The following CTDSPL2 variants were observed in gnomAD, a reference collection of about 807,000 sequenced individuals.
CTDSPL2 encodes the protein CTD small phosphatase like 2.
CTDSPL2 carries 5 observed loss-of-function variants against 60.0 expected under a neutral mutation model. The observed-to-expected ratio is 0.08, with a 90% CI of 0.04 to 0.18. The LOEUF is 0.18. Ranked by LOEUF, CTDSPL2 falls within the 10% of genes least tolerant of loss-of-function variation. The probability of loss-of-function intolerance (pLI) is 1.00; values close to 1 mark genes in which losing one functional copy is unlikely to be tolerated. For synonymous variants in CTDSPL2, 186 were observed against 189.3 expected, an observed-to-expected ratio of 0.98 and a Z score of 0.14; for missense variants, 370 against 548.8, an observed-to-expected ratio of 0.67 and a Z score of 3.26.
At chr15:44,474,388 G>C (rs926819055) in intron 2 of CTDSPL2, among the ~76,000 whole-genome samples, 2 of 152,210 alleles carry the variant, frequency 1.3e-5, no homozygotes, top group African/African-American at 4.8e-5. Context: ...CTACTCAGGA[G>C]GCTGAGGCGG....
rs1595789165 is a variant in CTDSPL2 at position 44,525,141 on chromosome 15, A to G, written c.*967A>G. The G allele has an allele frequency of 3.0e-6, 1 of 332,738 alleles. No individual in the cohort carries two copies. Among genetic ancestry groups the G allele is most frequent in the Non-Finnish European group, 5.4e-6 (1 of 184,382 alleles). The allele number at this position is 332,738 out of a possible 1,614,324, so 20.6% of individuals were successfully genotyped here. A position where few individuals can be genotyped will look rare whatever the true frequency, so the allele number is the denominator to read the frequency against. ...TGCCTTTGGTTTTCTCCAGGAATGAAGTATTCAGCACAGTGACTCAGTATT... is the reference window on the plus strand; with the variant it reads ...TGCCTTTGGTTTTCTCCAGGAATGAGGTATTCAGCACAGTGACTCAGTATT... On this transcript the variant is annotated 3_prime_UTR_variant, in exon 13 of 13. Transcript: ENST00000260327.
chr15:44,450,440 A>C lies in CTDSPL2; in HGVS notation c.-24-8551A>C, dbSNP rs576400878. ...GAAACTGTCTTAAGGAAAGAATCAG[A>C]AATGTAGACTGAAATTTATGTGGTT... On this transcript the variant is annotated intron_variant, in intron 1 of 12. Coordinates refer to ENST00000260327, the MANE Select transcript of CTDSPL2 (RefSeq NM_016396.3). 5.3e-5 allele frequency among the ~76,000 whole-genome samples: 8 copies of C among 152,230 alleles called. No individual in the cohort carries two copies. In the East Asian group the frequency reaches 1.3e-3, roughly 26 times the overall value.
At chr15:44,428,687 A>G (rs1013110600) in intron 1 of CTDSPL2, among the ~76,000 whole-genome samples, 1 of 152,206 alleles carries the variant, frequency 6.6e-6, no homozygotes, top group Non-Finnish European at 1.5e-5. Flanking sequence ...TACCAAGATG[A>G]ATTTCTTCAG....
intron 8 of CTDSPL2, among the ~76,000 whole-genome samples, chr15:44,513,029 G>A (rs1244326890): frequency 6.7e-6 from 1 of 148,568 alleles, no homozygotes; most frequent in Non-Finnish European, 1.5e-5. Flanking sequence ...CCAAGATGAC[G>A]CCACTGCATT....
In CTDSPL2 at chr15:44,444,836, GTTTTTTTTTTTTTT is replaced by G. The variant is rs35160726; in HGVS notation, c.-24-14138_-24-14125del. Among the ~76,000 whole-genome samples, 290 of 69,616 alleles carry G rather than the reference GTTTTTTTTTTTTTT, an allele frequency of 4.2e-3. 3 individuals are homozygous for G. The highest frequency in any genetic ancestry group is 0.017 in the African/African-American group (276 of 16,484). 45.7% of individuals were successfully genotyped at this position (69,616 alleles called of 152,430 possible). On this transcript the variant is annotated intron_variant, in intron 1 of 12. Transcript: ENST00000260327. ...GCCTGGTGTTGAGATATGGAATGTA[GTTTTTTTTTTTTTT>G]TTTTTTTTTTTTTTTTAGACGGAGT... is the stretch of plus-strand genomic sequence containing the variant.
intron 2 of CTDSPL2, among the ~76,000 whole-genome samples, chr15:44,473,300 T>G (rs780214781): frequency 6.6e-6 from 1 of 152,136 alleles, no homozygotes; most frequent in Non-Finnish European, 1.5e-5. Flanking sequence ...TATCCCTAGA[T>G]TTTCTTTTTT....
intron 1 of CTDSPL2, chr15:44,448,753 C>T (rs755921621): frequency 5.9e-5 from 21 of 355,584 alleles, no homozygotes; most frequent in Non-Finnish European, 1.1e-4. Flanking sequence ...CCCTCCTGGT[C>T]CTAACCCTGT....
At chr15:44,448,392 C>A in intron 1 of CTDSPL2, 1 of 228,682 alleles carries the variant, frequency 4.4e-6, no homozygotes, top group South Asian at 6.2e-5. Flanking sequence ...TCTTGGAACC[C>A]ACACGATCCA....
rs2081078927 is a variant in CTDSPL2 at position 44,484,201 on chromosome 15, T to G, written c.187-23T>G. 6 of 1,580,884 alleles carry G rather than the reference T, an allele frequency of 3.8e-6. No homozygotes were observed. The East Asian group carries it at 1.1e-4, about 30-fold the overall frequency. On this transcript the variant is annotated intron_variant, in intron 2 of 12. Coordinates refer to ENST00000260327, the MANE Select transcript of CTDSPL2 (RefSeq NM_016396.3). The stretch of plus-strand genomic sequence containing the variant: ...GGCAGAATGATTGTGCTTAGTGTGT[T>G]TTTTTTTCTCTTATATCTTAAGGAA...
chr15:44,460,886 A>G (rs2080552527), intron 2 of CTDSPL2, among the ~76,000 whole-genome samples: 1 of 152,222 alleles, frequency 6.6e-6, no homozygotes, highest in Non-Finnish European at 1.5e-5. Flanking sequence ...ATGGGTTGTC[A>G]TCAGCCTCTG....
At chr15:44,510,415 A>G (rs952242303) in intron 8 of CTDSPL2, among the ~76,000 whole-genome samples, 5 of 152,196 alleles carry the variant, frequency 3.3e-5, no homozygotes, top group East Asian at 3.8e-4. Context: ...TTTTTTAAAT[A>G]TAATTATTTC....
rs1402687582 is a variant in CTDSPL2 at position 44,433,332 on chromosome 15, A to G, written c.-25+5560A>G. On this transcript the variant is annotated intron_variant, in intron 1 of 12. Transcript: ENST00000260327. ...ACAGAGCAAGACCCTGTCTCAAAGA[A>G]AAAAAAAAAAAAAAAAAGGACAAAA... Among the ~76,000 whole-genome samples the G allele has an allele frequency of 1.9e-4, 28 of 145,500 alleles. No homozygotes were observed. The East Asian group carries it at 2.3e-3, about 12-fold the overall frequency.
intron 2 of CTDSPL2, among the ~76,000 whole-genome samples, chr15:44,464,598 G>GCCCCTCACA (rs1343997826): frequency 6.6e-6 from 1 of 152,150 alleles, no homozygotes; most frequent in Admixed American, 6.5e-5. Context: ...ATAGATGGCT[G>GCCCCTCACA]CCCCTCACAC....
At chr15:44,496,778 T>G (rs76774843) in intron 6 of CTDSPL2, among the ~76,000 whole-genome samples, 1 of 152,154 alleles carries the variant, frequency 6.6e-6, no homozygotes, top group East Asian at 1.9e-4. Flanking sequence ...GGAGGATCAC[T>G]TGAGCCCAGG....
At chr15:44,452,238 G>C (rs1370744001) in intron 1 of CTDSPL2, among the ~76,000 whole-genome samples, 1 of 151,998 alleles carries the variant, frequency 6.6e-6, no homozygotes, top group Non-Finnish European at 1.5e-5. Flanking sequence ...AATCTGTTTT[G>C]CTTTTTTTCT....
At position 44,525,982 on chromosome 15, in the gene CTDSPL2, AAAAC is replaced by A. The variant is rs566399349; in HGVS notation, c.*1812_*1815del. ...ATCATGGCAGATTTTCTGCAAAAAA[AAAAC>A]AAAAGCATTTGCAATTCAGAATACT... On this transcript the variant is annotated 3_prime_UTR_variant, in exon 13 of 13. Transcript: ENST00000260327. The A allele has an allele frequency of 8.1e-4, 124 of 152,714 alleles. No individual in the cohort carries two copies. Among genetic ancestry groups the A allele is most frequent in the Non-Finnish European group, 1.4e-3 (93 of 68,040 alleles). 9.5% of individuals were successfully genotyped at this position (152,714 alleles called of 1,614,324 possible).
chr15:44,484,373 AT>A lies in CTDSPL2; in HGVS notation c.325+14del. On this transcript the variant is annotated intron_variant, in intron 3 of 12. Coordinates refer to ENST00000260327, the MANE Select transcript of CTDSPL2 (RefSeq NM_016396.3). Reference sequence around the variant, plus strand: ...GTCAAGTAAATGGAGGTTTGTTAATATTTAGATACTGTTTTATTTAGGTGTA... The same window carrying A: ...GTCAAGTAAATGGAGGTTTGTTAATATTAGATACTGTTTTATTTAGGTGTA... 1 of 1,608,892 alleles carries A rather than the reference AT, an allele frequency of 6.2e-7. No homozygotes were observed.
chr15:44,507,153 C>G (rs1424723262), intron 8 of CTDSPL2, among the ~76,000 whole-genome samples: 12 of 151,764 alleles, frequency 7.9e-5, no homozygotes, highest in Admixed American at 7.9e-4. Context: ...GGCACCATCT[C>G]AGCTCACTGC....
At chr15:44,502,874 A>T (rs985362437) in intron 8 of CTDSPL2, among the ~76,000 whole-genome samples, 1 of 152,156 alleles carries the variant, frequency 6.6e-6, no homozygotes, top group Admixed American at 6.5e-5. Flanking sequence ...ACATTTAAAG[A>T]TTGCCTGACT....
Sources: gnomAD v4.1 joint callset for allele counts (sites outside exome capture counted in the v4.1 genomes callset) on GRCh38, gnomAD v4.1.1 for gene constraint, MANE v1.5 for transcripts, NCBI Gene and HGNC (gene_info 2026-07-23, HGNC 2026-07-21) for gene names.